The following DMD variants were observed in gnomAD, a reference collection of about 807,000 sequenced individuals.
The protein encoded by DMD is dystrophin.
DMD carries 63 observed loss-of-function variants against 330.1 expected under a neutral mutation model. The observed-to-expected ratio is 0.19, with a 90% CI of 0.16 to 0.24. The LOEUF (loss-of-function observed/expected upper bound fraction) is 0.24. Ranked by LOEUF, DMD falls within the 10% of genes least tolerant of loss-of-function variation. The pLI, the probability that DMD is intolerant of heterozygous loss-of-function variation, is 1.00. For missense variants in DMD, 3,344 were observed against 2,684.1 expected (o/e 1.25, Z -5.43); for synonymous variants, 1,223 against 959.8 (o/e 1.27, Z -5.07).
At chrX:31,760,903 T>C (rs1342056962) in intron 51 of DMD, among the ~76,000 whole-genome samples, 1 of 110,341 alleles carries the variant, frequency 9.1e-6, no homozygotes, top group Admixed American at 9.7e-5. Flanking sequence ...TACAGATTTG[T>C]AGGACTTATT....
intron 41 of DMD, among the ~76,000 whole-genome samples, chrX:32,323,053 G>A (rs772466941): frequency 8.9e-6 from 1 of 111,807 alleles, no homozygotes; most frequent in African/African-American, 3.3e-5. Flanking sequence ...GTCATCGATC[G>A]AACACATTTG....
chrX:32,535,430 C>A (rs2047861190), intron 17 of DMD, among the ~76,000 whole-genome samples: 1 of 111,757 alleles, frequency 8.9e-6, no homozygotes, highest in Non-Finnish European at 1.9e-5. Context: ...CTCCAACTAC[C>A]TTGGGTGGCA....
Position 32,102,583 on chromosome X carries a change from G to A in DMD, c.6438+114333C>T. Among the ~76,000 whole-genome samples the A allele has an allele frequency of 2.7e-5, 3 of 110,859 alleles. No individual in the cohort carries two copies. The Admixed American group carries it at 2.9e-4, about 11-fold the overall frequency. On this transcript the variant is annotated intron_variant, in intron 44 of 78. Transcript: ENST00000357033. ...TTTTAAAGTAATAAATAGGACCATA[G>A]GCTATTTATGAAATATGACATGAAT...
chrX:31,146,762 G>A (rs931000202), intron 75 of DMD, among the ~76,000 whole-genome samples: 2 of 112,273 alleles, frequency 1.8e-5, no homozygotes, highest in Admixed American at 9.4e-5. Flanking sequence ...TCTTTGTGAA[G>A]TATTAAGTAA....
At chrX:32,655,932 G>C (rs1346985389) in intron 9 of DMD, among the ~76,000 whole-genome samples, 1 of 110,694 alleles carries the variant, frequency 9.0e-6, no homozygotes, top group Non-Finnish European at 1.9e-5. Flanking sequence ...TTGGTCTAAA[G>C]TCTGTTTTAT....
chrX:32,356,403 A>C (rs1186159097), intron 37 of DMD, among the ~76,000 whole-genome samples: 2 of 100,692 alleles, frequency 2.0e-5, no homozygotes, highest in Admixed American at 1.1e-4. Context: ...AAAAAAAAAA[A>C]AAACTTGGTA....
At chrX:32,492,517 C>G in intron 19 of DMD, among the ~76,000 whole-genome samples, 1 of 112,289 alleles carries the variant, frequency 8.9e-6, no homozygotes, top group East Asian at 2.8e-4. Flanking sequence ...ATATCATTAT[C>G]ACCATTACCA....
At chrX:32,896,144 G>C (rs1402001823) in intron 2 of DMD, among the ~76,000 whole-genome samples, 1 of 111,238 alleles carries the variant, frequency 9.0e-6, no homozygotes, top group Non-Finnish European at 1.9e-5. Context: ...TGATGCTTTT[G>C]CAATAAAGGG....
intron 44 of DMD, among the ~76,000 whole-genome samples, chrX:32,148,172 C>T (rs1490506361): frequency 9.0e-6 from 1 of 110,820 alleles, no homozygotes; most frequent in Non-Finnish European, 1.9e-5. Context: ...CCACCGCACC[C>T]GGCCAAAAAA....
chrX:31,189,082 T>C (rs912974043), intron 67 of DMD, among the ~76,000 whole-genome samples: 1 of 111,547 alleles, frequency 9.0e-6, no homozygotes, highest in Admixed American at 9.5e-5. Flanking sequence ...TGCCAGGAGG[T>C]CCACCTGAAT....
chrX:31,146,453 T>C, intron 75 of DMD, 39 bp from the exon 76 acceptor site: 4 of 1,182,837 alleles, frequency 3.4e-6, no homozygotes, highest in Non-Finnish European at 4.6e-6. Flanking sequence ...CTTTTCATAA[T>C]AAACATACAA....
At chrX:32,737,694 C>T (rs748110906) in intron 7 of DMD, among the ~76,000 whole-genome samples, 6 of 111,713 alleles carry the variant, frequency 5.4e-5, no homozygotes, top group South Asian at 7.4e-4. Context: ...ATGCTGAACA[C>T]GCAATAAGGT....
chrX:31,265,234 G>C (rs986315518), intron 62 of DMD, among the ~76,000 whole-genome samples: 7 of 112,364 alleles, frequency 6.2e-5, no homozygotes, highest in African/African-American at 2.3e-4. Flanking sequence ...TTAATCTGAG[G>C]ATCAGACTCT....
intron 61 of DMD, 71 bp downstream of exon 61, chrX:31,348,485 G>GT (rs1208061793): frequency 9.6e-6 from 9 of 937,896 alleles, no homozygotes; most frequent in Admixed American, 4.9e-5. Flanking sequence ...TAATTCTTTT[G>GT]TTTTTTCAAC....
intron 43 of DMD, among the ~76,000 whole-genome samples, chrX:32,286,233 C>A (rs1238149251): frequency 9.0e-6 from 1 of 111,443 alleles, no homozygotes; most frequent in Non-Finnish European, 1.9e-5. Context: ...GCAGGCACAT[C>A]AGATCATATA....
intron 1 of DMD, among the ~76,000 whole-genome samples, chrX:33,314,169 TAATA>T (rs2053892586): frequency 9.0e-6 from 1 of 110,977 alleles, no homozygotes; most frequent in Non-Finnish European, 1.9e-5. Context: ...AACATAGACA[TAATA>T]ATTATATTAA....
chrX:32,207,285 T>C (rs1333464685), intron 44 of DMD, among the ~76,000 whole-genome samples: 1 of 111,190 alleles, frequency 9.0e-6, no homozygotes, highest in Non-Finnish European at 1.9e-5. Context: ...TTTGGTTCCC[T>C]TATAAAAGTG....
chrX:31,239,010 G>GT (rs989403956), intron 63 of DMD, among the ~76,000 whole-genome samples: 1 of 112,217 alleles, frequency 8.9e-6, no homozygotes. Flanking sequence ...TCCTACAAAA[G>GT]TTTTTTGCTC....
chrX:33,158,685 TG>T (rs1321897601), intron 1 of DMD, among the ~76,000 whole-genome samples: 1 of 111,766 alleles, frequency 8.9e-6, no homozygotes, highest in Non-Finnish European at 1.9e-5. Context: ...GCAGGCCTGT[TG>T]GTGACCAAAG....
Sources: gnomAD v4.1 joint callset for allele counts (sites outside exome capture counted in the v4.1 genomes callset) on GRCh38, gnomAD v4.1.1 for gene constraint, MANE v1.5 for transcripts, NCBI Gene and HGNC (gene_info 2026-07-23, HGNC 2026-07-21) for gene names.